The following LINC00305 variants were observed in gnomAD, a reference collection of about 807,000 sequenced individuals.
The protein encoded by LINC00305 is long independently transcribed non-coding RNA 305.
At chr18:64,088,827 T>A (rs1207790031) in intron 3 of LINC00305, among the ~76,000 whole-genome samples, 1 of 151,642 alleles carries the variant, frequency 6.6e-6, no homozygotes, top group Non-Finnish European at 1.5e-5. Flanking sequence ...TAATGAGAGG[T>A]GATATTTAAT....
intron 3 of LINC00305, among the ~76,000 whole-genome samples, chr18:64,088,575 T>A (rs1318022475): frequency 6.6e-6 from 1 of 152,220 alleles, no homozygotes; most frequent in Admixed American, 6.5e-5. Context: ...TGTGGTTTGC[T>A]TCCAAAGCAT....
chr18:64,124,513 A>G (rs1219974003), intron 1 of LINC00305, among the ~76,000 whole-genome samples: 1 of 152,114 alleles, frequency 6.6e-6, no homozygotes, highest in African/African-American at 2.4e-5. Flanking sequence ...GCTTGTTGCC[A>G]AACTGATTAA....
intron 1 of LINC00305, among the ~76,000 whole-genome samples, chr18:64,144,680 G>A (rs960349642): frequency 6.6e-6 from 1 of 151,922 alleles, no homozygotes; most frequent in Non-Finnish European, 1.5e-5. Flanking sequence ...AGTGTAGGGA[G>A]ACCCCCTGAA....
At chr18:64,145,364 A>G (rs891614133) in intron 1 of LINC00305, among the ~76,000 whole-genome samples, 2 of 152,070 alleles carry the variant, frequency 1.3e-5, no homozygotes, top group East Asian at 3.9e-4. Flanking sequence ...ATCCCTCACT[A>G]ACCTACCCCC....
intron 1 of LINC00305, among the ~76,000 whole-genome samples, chr18:64,126,225 C>G (rs1427713275): frequency 6.6e-6 from 1 of 151,950 alleles, no homozygotes; most frequent in Admixed American, 6.6e-5. Context: ...ATCATTCATA[C>G]AGTTGAAGTA....
chr18:64,141,268 C>T (rs757715668), intron 1 of LINC00305, among the ~76,000 whole-genome samples: 1 of 151,890 alleles, frequency 6.6e-6, no homozygotes, highest in Non-Finnish European at 1.5e-5. Flanking sequence ...AATAAATCAC[C>T]TAAGGTATAT....
At chr18:64,108,962 T>C (rs549384032) in intron 1 of LINC00305, among the ~76,000 whole-genome samples, 2 of 152,318 alleles carry the variant, frequency 1.3e-5, no homozygotes, top group African/African-American at 4.8e-5. Flanking sequence ...TTTATTTCTT[T>C]TCCCATTTAT....
At chr18:64,085,964 T>G (rs1019800990) in intron 3 of LINC00305, among the ~76,000 whole-genome samples, 3 of 152,244 alleles carry the variant, frequency 2.0e-5, no homozygotes, top group African/African-American at 4.8e-5. Context: ...TATCTTACAT[T>G]TCTTTGCAGT....
chr18:64,145,264 A>G (rs567809823), intron 1 of LINC00305, among the ~76,000 whole-genome samples: 1 of 152,348 alleles, frequency 6.6e-6, no homozygotes, highest in South Asian at 2.1e-4. Flanking sequence ...TTCTACCTAC[A>G]AATGTACTGT....
chr18:64,133,696 A>T (rs1330869024), intron 1 of LINC00305, among the ~76,000 whole-genome samples: 1 of 152,166 alleles, frequency 6.6e-6, no homozygotes, highest in African/African-American at 2.4e-5. Flanking sequence ...TACATACTCC[A>T]TGGTAAAAAT....
chr18:64,119,004 A>G (rs1404416375), intron 1 of LINC00305, among the ~76,000 whole-genome samples: 1 of 152,152 alleles, frequency 6.6e-6, no homozygotes, highest in Admixed American at 6.6e-5. Flanking sequence ...TTTAATGAAT[A>G]CTACTTTTGT....
intron 3 of LINC00305, among the ~76,000 whole-genome samples, chr18:64,088,465 A>C (rs922977039): frequency 2.0e-5 from 3 of 152,220 alleles, no homozygotes; most frequent in Non-Finnish European, 4.4e-5. Context: ...GCACCTCTCA[A>C]TCTAGCTCTT....
chr18:64,117,297 T>C (rs765113961), intron 1 of LINC00305, among the ~76,000 whole-genome samples: 14 of 152,206 alleles, frequency 9.2e-5, no homozygotes, highest in Non-Finnish European at 4.4e-5. Context: ...GACCCCACCA[T>C]GATAGCTTCT....
intron 3 of LINC00305, among the ~76,000 whole-genome samples, chr18:64,094,860 T>TAAAA (rs1247949517): frequency 6.7e-6 from 1 of 148,648 alleles, no homozygotes; most frequent in East Asian, 2.0e-4. Flanking sequence ...TCTCAAAAAA[T>TAAAA]AAATAAATAA....
intron 3 of LINC00305, among the ~76,000 whole-genome samples, chr18:64,087,375 A>T (rs931377370): frequency 1.4e-4 from 21 of 152,354 alleles, no homozygotes; most frequent in African/African-American, 4.8e-4. Flanking sequence ...AGCCATTAGC[A>T]GCTCTTTATT....
At chr18:64,094,023 GA>G (rs1225067730) in intron 3 of LINC00305, among the ~76,000 whole-genome samples, 1 of 152,186 alleles carries the variant, frequency 6.6e-6, no homozygotes, top group East Asian at 1.9e-4. Flanking sequence ...CTGGATCGGG[GA>G]ATGCAAATCC....
intron 1 of LINC00305, among the ~76,000 whole-genome samples, chr18:64,133,959 T>A (rs1347156209): frequency 6.6e-6 from 1 of 152,194 alleles, no homozygotes; most frequent in Non-Finnish European, 1.5e-5. Context: ...AATACTTGAA[T>A]AACATAACAT....
chr18:64,094,460 T>A (rs543867285), intron 3 of LINC00305, among the ~76,000 whole-genome samples: 3 of 152,192 alleles, frequency 2.0e-5, no homozygotes, highest in African/African-American at 7.2e-5. Flanking sequence ...AGAGTAAGGA[T>A]CAGCCCAGGG....
intron 1 of LINC00305, among the ~76,000 whole-genome samples, chr18:64,106,977 G>A (rs1417234788): frequency 6.6e-6 from 1 of 151,958 alleles, no homozygotes; most frequent in African/African-American, 2.4e-5. Flanking sequence ...TTACAGATAT[G>A]ACATTTTGGC....
Sources: allele counts gnomAD v4.1 joint callset (sites outside exome capture counted in the v4.1 genomes callset), GRCh38; gene constraint gnomAD v4.1.1; transcripts MANE v1.5; gene names NCBI Gene and HGNC (gene_info 2026-07-23, HGNC 2026-07-21).